Variants in MOB2 observed in about 807,000 individuals in gnomAD.
MOB2 encodes MOB kinase activator 2, also known as MOB2 Mps One Binder homolog.
A neutral mutation model predicts 27.4 loss-of-function variants in MOB2; 14 were observed. The ratio of observed to expected loss-of-function variants is 0.51; its 90% CI spans 0.34 to 0.80. The LOEUF is 0.80. Among genes scored for constraint, MOB2 ranks in the 30% least tolerant of loss-of-function variants. The pLI is 0.01. For synonymous variants in MOB2, 167 were observed against 151.8 expected (o/e 1.10, Z -0.74); for missense variants, 304 against 354.6 (o/e 0.86, Z 1.15).
At chr11:1,484,466 A>G (rs1439531246) in intron 1 of MOB2, among the ~76,000 whole-genome samples, 1 of 152,102 alleles carries the variant, frequency 6.6e-6, no homozygotes. Context: ...TGGTCCACCC[A>G]GAGCCTGAAA....
At position 1,469,851 on chromosome 11, in the gene MOB2, G is replaced by C; in HGVS notation, c.*321C>G. The C allele has an allele frequency of 3.3e-6, 2 of 611,350 alleles. No individual in the cohort carries two copies. The highest frequency in any genetic ancestry group is 6.1e-6 in the Non-Finnish European group (2 of 329,794). 37.9% of individuals were successfully genotyped at this position (611,350 alleles called of 1,614,324 possible). A position where few individuals can be genotyped will look rare whatever the true frequency, so the allele number is the denominator to read the frequency against. On this transcript the variant is annotated 3_prime_UTR_variant, in exon 5 of 5. Coordinates refer to ENST00000329957, the MANE Select transcript of MOB2 (RefSeq NM_001172223.3). ...TTTGAGGCCAGCAGCACCCGAGGGAGGGCAGGGGCTGCACGGAGACCAGAG... is the reference window on the plus strand; with the variant it reads ...TTTGAGGCCAGCAGCACCCGAGGGACGGCAGGGGCTGCACGGAGACCAGAG...
At chr11:1,482,555 A>G (rs796276540) in intron 1 of MOB2, among the ~76,000 whole-genome samples, 36 of 152,208 alleles carry the variant, frequency 2.4e-4, no homozygotes, top group African/African-American at 8.7e-4. Context: ...TCCCGTCCAC[A>G]CCTGCTCTCC....
rs1168234743 is a variant in MOB2 at position 1,480,449 on chromosome 11, G to A, written c.309C>T (p.Ser103=). ...TFFHHINLQY[S]TISEFCTGET... is the part of the protein sequence containing the mutation. ...CTCCTGTGCAGAACTCGGAGATGGT[G>A]CTATACTGCAGGTTGATGTGGTGGA... is the stretch of plus-strand genomic sequence containing the variant. The change falls in exon 3 of 5, where the codon AGC becomes AGT. Residue 103 remains serine, a synonymous_variant. Coordinates refer to ENST00000329957, the MANE Select transcript of MOB2 (RefSeq NM_001172223.3). The A allele has an allele frequency of 6.2e-7, 1 of 1,613,896 alleles. No individual in the cohort carries two copies. Among genetic ancestry groups the A allele is most frequent in the Admixed American group, 1.7e-5 (1 of 60,038 alleles).
intron 2 of MOB2, 89 bp downstream of exon 2, chr11:1,480,636 G>T: frequency 6.5e-7 from 1 of 1,543,402 alleles, no homozygotes; most frequent in Non-Finnish European, 8.8e-7. Context: ...GGGGGCTGCT[G>T]AGCACCAGCC....
At chr11:1,473,984 C>A (rs918406429) in intron 3 of MOB2, among the ~76,000 whole-genome samples, 4 of 152,216 alleles carry the variant, frequency 2.6e-5, no homozygotes. Context: ...CGGAAGTCCA[C>A]GGCTCCTCAC....
intron 4 of MOB2, among the ~76,000 whole-genome samples, chr11:1,470,849 G>A (rs1847780212): frequency 6.6e-6 from 1 of 152,246 alleles, no homozygotes; most frequent in Admixed American, 6.5e-5. Context: ...CCATCTCCCG[G>A]GCCAGGACGG....
At chr11:1,476,295 T>C (rs575163975) in intron 3 of MOB2, among the ~76,000 whole-genome samples, 103 of 152,370 alleles carry the variant, frequency 6.8e-4, no homozygotes, top group African/African-American at 2.3e-3. Context: ...TCTTACCTTA[T>C]GGCACTGCCT....
intron 3 of MOB2, among the ~76,000 whole-genome samples, chr11:1,478,988 A>T (rs2133364222): frequency 6.6e-6 from 1 of 152,360 alleles, no homozygotes; most frequent in Non-Finnish European, 1.5e-5. Flanking sequence ...GAAAGGCATT[A>T]CATGCAATTA....
At chr11:1,481,066 G>T in intron 1 of MOB2, 181 bp from the exon 2 acceptor site, 1 of 757,778 alleles carries the variant, frequency 1.3e-6, no homozygotes, top group African/African-American at 1.7e-5. Context: ...CTGCTCCGCA[G>T]AGGGGCCAGT....
intron 1 of MOB2, among the ~76,000 whole-genome samples, chr11:1,483,316 C>T (rs1220703775): frequency 2.6e-5 from 4 of 152,214 alleles, no homozygotes; most frequent in Non-Finnish European, 5.9e-5. Context: ...AGGCCCCGGC[C>T]GCAGGCAGGA....
At chr11:1,475,401 A>C (rs1471959461) in intron 3 of MOB2, among the ~76,000 whole-genome samples, 1 of 152,246 alleles carries the variant, frequency 6.6e-6, no homozygotes, top group Non-Finnish European at 1.5e-5. Flanking sequence ...CTGAAGCCAC[A>C]GAGAGCACCA....
chr11:1,481,114 T>TGC (rs1847908463), intron 1 of MOB2: 1 of 659,710 alleles, frequency 1.5e-6, no homozygotes. Context: ...GAAGAAGGGC[T>TGC]GGCGCTCCCA....
At chr11:1,476,623 CTTAT>C (rs775171175) in intron 3 of MOB2, among the ~76,000 whole-genome samples, 19 of 152,150 alleles carry the variant, frequency 1.2e-4, no homozygotes, top group African/African-American at 4.1e-4. Flanking sequence ...GCTTTCTGTT[CTTAT>C]TTACTTTCTT....
intron 3 of MOB2, among the ~76,000 whole-genome samples, chr11:1,473,705 T>G (rs1406894581): frequency 6.6e-6 from 1 of 152,284 alleles, no homozygotes; most frequent in Non-Finnish European, 1.5e-5. Context: ...GGAACACCAC[T>G]GTTTCCTGTA....
intron 4 of MOB2, 128 bp downstream of exon 4, chr11:1,471,167 G>C: frequency 7.7e-7 from 1 of 1,290,392 alleles, no homozygotes; most frequent in Non-Finnish European, 1.1e-6. Flanking sequence ...GCAGGGACTG[G>C]GGTGGTGCAG....
intron 3 of MOB2, 102 bp downstream of exon 3, chr11:1,480,291 G>A (rs1847895950): frequency 9.2e-7 from 1 of 1,081,212 alleles, no homozygotes; most frequent in Non-Finnish European, 1.4e-6. Context: ...AGGGTCTCCA[G>A]GTGAGAACGG....
At chr11:1,484,175 C>T (rs972118333) in intron 1 of MOB2, among the ~76,000 whole-genome samples, 28 of 152,188 alleles carry the variant, frequency 1.8e-4, no homozygotes, top group Admixed American at 2.0e-4. Flanking sequence ...CTATGGAAGT[C>T]GAGCCTGTAG....
At chr11:1,482,164 G>A (rs898859482) in intron 1 of MOB2, among the ~76,000 whole-genome samples, 3 of 152,226 alleles carry the variant, frequency 2.0e-5, no homozygotes, top group African/African-American at 7.2e-5. Context: ...CCCATTTGGA[G>A]GGGTGGGTTG....
rs556371772 is a variant in MOB2 at position 1,470,204 on chromosome 11, G to A, written c.775C>T (p.Pro259Ser). Residue 259 changes from proline to serine, a missense_variant, in exon 5 of 5, where the codon CCG becomes TCG. Transcript: ENST00000329957. ...GSGDGAGSGGPGAQNHVKER is the reference protein window; with the variant it reads ...GSGDGAGSGGSGAQNHVKER ...TCCTTCACGTGGTTCTGTGCTCCCG[G>A]GCCCCCGCTGCCGGCCCCATCCCCA... The A allele has an allele frequency of 1.2e-6, 2 of 1,610,330 alleles. No individual in the cohort carries two copies. The highest frequency in any genetic ancestry group is 2.2e-5 in the South Asian group (2 of 90,952).
Sources: gnomAD v4.1 joint callset for allele counts (sites outside exome capture counted in the v4.1 genomes callset) on GRCh38, gnomAD v4.1.1 for gene constraint, MANE v1.5 for transcripts, NCBI Gene and HGNC (gene_info 2026-07-23, HGNC 2026-07-21) for gene names.